The following PHACTR1 variants were observed in gnomAD, a reference collection of about 807,000 sequenced individuals.
PHACTR1 encodes the protein RPEL repeat containing 1.
PHACTR1 carries 16 observed loss-of-function variants against 69.2 expected under a neutral mutation model. The ratio of observed to expected loss-of-function variants is 0.23; its 90% CI spans 0.16 to 0.35. PHACTR1 has a LOEUF of 0.35. PHACTR1 is among the 10% of genes least tolerant of loss of function. The pLI, the probability that PHACTR1 is intolerant of heterozygous loss-of-function variation, is 1.00. For synonymous variants in PHACTR1, 312 were observed against 284.5 expected (o/e 1.10, Z -0.97); for missense variants, 510 against 734.7 (o/e 0.69, Z 3.54).
intron 5 of PHACTR1, among the ~76,000 whole-genome samples, chr6:13,133,896 C>G (rs1298141842): frequency 1.3e-4 from 20 of 151,000 alleles, no homozygotes; most frequent in African/African-American, 4.1e-4. Context: ...TGAGGAGTGT[C>G]TCTGCCCGGC....
At chr6:13,141,745 T>G (rs12192483) in intron 5 of PHACTR1, among the ~76,000 whole-genome samples, 1 of 138,818 alleles carries the variant, frequency 7.2e-6, no homozygotes, top group Non-Finnish European at 1.6e-5. Context: ...TTTTTTTTTG[T>G]TGTGCTTGTT....
At chr6:12,953,166 CAT>C (rs1268966173) in intron 4 of PHACTR1, among the ~76,000 whole-genome samples, 1 of 151,936 alleles carries the variant, frequency 6.6e-6, no homozygotes, top group Non-Finnish European at 1.5e-5. Context: ...CTACAAAAAA[CAT>C]AAAAATTAGC....
At position 13,225,528 on chromosome 6, in the gene PHACTR1, A is replaced by G. The variant is rs937616660; in HGVS notation, c.987-2288A>G. Reference sequence around the variant, plus strand: ...GCCCATGTATCTTTGAAAGAGAGGAAACCACAGCCTCTTGTTGATTACACA... The same window carrying G: ...GCCCATGTATCTTTGAAAGAGAGGAGACCACAGCCTCTTGTTGATTACACA... On this transcript the variant is annotated intron_variant, in intron 8 of 14. Transcript: ENST00000332995. Among the ~76,000 whole-genome samples the G allele has an allele frequency of 9.9e-5, 15 of 152,178 alleles. 1 individual carries two copies. Among genetic ancestry groups the G allele is most frequent in the Non-Finnish European group, 1.8e-4 (12 of 68,038 alleles).
intron 5 of PHACTR1, among the ~76,000 whole-genome samples, chr6:13,117,761 C>A (rs879764116): frequency 6.6e-6 from 1 of 152,184 alleles, no homozygotes; most frequent in African/African-American, 2.4e-5. Flanking sequence ...ACATTATGTT[C>A]ATCAGTGAGA....
chr6:12,830,479 G>C (rs925607293), intron 4 of PHACTR1, among the ~76,000 whole-genome samples: 20 of 152,050 alleles, frequency 1.3e-4, no homozygotes, highest in African/African-American at 4.6e-4. Flanking sequence ...GAAGGAGAGA[G>C]GGGGAGGGAA....
At chr6:13,274,501 C>A (rs1166151801) in intron 11 of PHACTR1, 13 of 152,226 alleles carry the variant, frequency 8.5e-5, no homozygotes, top group Admixed American at 8.5e-4. Flanking sequence ...TGAACCTGTA[C>A]AACTTACTCA....
chr6:12,966,277 ACT>A (rs1247067396), intron 4 of PHACTR1, among the ~76,000 whole-genome samples: 4 of 152,024 alleles, frequency 2.6e-5, no homozygotes, highest in Non-Finnish European at 5.9e-5. Context: ...CTGCTGAGAG[ACT>A]CTTGCTAAAT....
chr6:13,278,987 C>T (rs561982160), intron 12 of PHACTR1, among the ~76,000 whole-genome samples: 1 of 147,760 alleles, frequency 6.8e-6, no homozygotes, highest in South Asian at 2.1e-4. Flanking sequence ...ATTACTAGTT[C>T]GAATATTACA....
chr6:13,250,410 T>C (rs1275214542), intron 10 of PHACTR1, among the ~76,000 whole-genome samples: 3 of 152,236 alleles, frequency 2.0e-5, no homozygotes, highest in Non-Finnish European at 2.9e-5. Context: ...AAGCATCATA[T>C]AGCATACAGA....
At chr6:12,718,366 A>G (rs918730624) in intron 2 of PHACTR1, 1 of 152,992 alleles carries the variant, frequency 6.5e-6, no homozygotes, top group Non-Finnish European at 1.5e-5. Flanking sequence ...TATTTATCAA[A>G]TAGACCTTTT....
Position 12,754,659 on chromosome 6 carries a change from G to A in PHACTR1, c.250+4869G>A, listed in dbSNP as rs887301739. 2.0e-5 allele frequency among the ~76,000 whole-genome samples: 3 copies of A among 152,190 alleles called. No individual in the cohort carries two copies. In the South Asian group the frequency reaches 6.2e-4, roughly 32 times the overall value. On this transcript the variant is annotated intron_variant, in intron 4 of 14. Coordinates refer to ENST00000332995, the MANE Select transcript of PHACTR1 (RefSeq NM_030948.6). ...AGATAGTGTAATGAATATTTGAAAGGTACAAGGAAGTAAGTACAGTCGGCC... is the reference window on the plus strand; with the variant it reads ...AGATAGTGTAATGAATATTTGAAAGATACAAGGAAGTAAGTACAGTCGGCC...
chr6:13,191,925 A>T (rs1763657627), intron 7 of PHACTR1, among the ~76,000 whole-genome samples: 1 of 152,190 alleles, frequency 6.6e-6, no homozygotes, highest in African/African-American at 2.4e-5. Flanking sequence ...TCTGCAGTGC[A>T]TACAAGGACT....
At chr6:13,071,848 C>T (rs905183072) in intron 5 of PHACTR1, among the ~76,000 whole-genome samples, 1 of 152,206 alleles carries the variant, frequency 6.6e-6, no homozygotes, top group African/African-American at 2.4e-5. Flanking sequence ...CTTCTAAATG[C>T]TTCCCAGCAT....
rs1402382811 is a variant in PHACTR1 at position 12,933,772 on chromosome 6, C to T, written c.251-119593C>T. On this transcript the variant is annotated intron_variant, in intron 4 of 14. Coordinates refer to ENST00000332995, the MANE Select transcript of PHACTR1 (RefSeq NM_030948.6). ...CAGCCCCTACATACACTACATCAGC[C>T]CACATCTGCTCAGGCCCCAGTACAG... 1.9e-6 allele frequency: 3 copies of T among 1,612,822 alleles called. No homozygotes were observed. The South Asian group carries it at 3.3e-5, about 18-fold the overall frequency.
At chr6:12,774,662 A>G (rs1769826595) in intron 4 of PHACTR1, among the ~76,000 whole-genome samples, 1 of 152,138 alleles carries the variant, frequency 6.6e-6, no homozygotes, top group Admixed American at 6.5e-5. Flanking sequence ...GTCCACCCAA[A>G]GTGCTGGGGT....
intron 5 of PHACTR1, among the ~76,000 whole-genome samples, chr6:13,146,129 C>T (rs922212124): frequency 6.6e-6 from 1 of 152,232 alleles, no homozygotes; most frequent in Non-Finnish European, 1.5e-5. Context: ...GGTCATGTAA[C>T]ATCTTCTTTA....
chr6:12,933,718 T>C (rs1314201196), intron 4 of PHACTR1: 1 of 1,612,814 alleles, frequency 6.2e-7, no homozygotes, highest in Non-Finnish European at 8.5e-7. Context: ...TCGAACTGTG[T>C]TCCCTGGAAA....
At chr6:12,849,336 C>T (rs1336786616) in intron 4 of PHACTR1, among the ~76,000 whole-genome samples, 1 of 152,084 alleles carries the variant, frequency 6.6e-6, no homozygotes, top group African/African-American at 2.4e-5. Flanking sequence ...GCCAGACCTT[C>T]GTTTCCTTGT....
chr6:13,033,466 G>A (rs1429648598), intron 4 of PHACTR1, among the ~76,000 whole-genome samples: 1 of 152,040 alleles, frequency 6.6e-6, no homozygotes, highest in Non-Finnish European at 1.5e-5. Flanking sequence ...GTCTTATATG[G>A]CCATGCTCTG....
Sources: allele counts gnomAD v4.1 joint callset (sites outside exome capture counted in the v4.1 genomes callset), GRCh38; gene constraint gnomAD v4.1.1; transcripts MANE v1.5; gene names NCBI Gene and HGNC (gene_info 2026-07-23, HGNC 2026-07-21).